ADARB2: variants seen among roughly 807,000 people sequenced by gnomAD.
The protein encoded by ADARB2 is inactive double-stranded RNA-specific editase B2.
In ADARB2, 25 loss-of-function variants were observed where a neutral mutation model predicts 62.2. The observed-to-expected ratio is 0.40, with a 90% confidence interval of 0.29 to 0.56. The LOEUF (loss-of-function observed/expected upper bound fraction) is 0.56, where lower values mean the gene tolerates loss of function less well. Among genes scored for constraint, ADARB2 ranks in the 20% least tolerant of loss-of-function variants. ADARB2 has a pLI of 0.43. For synonymous variants in ADARB2, 572 were observed against 500.8 expected, an observed-to-expected ratio of 1.14 and a Z score of -1.90; for missense variants, 1,071 against 1,077.4, an observed-to-expected ratio of 0.99 and a Z score of 0.08.
At chr10:1,509,418 G>A (rs1004471474) in intron 1 of ADARB2, among the ~76,000 whole-genome samples, 5 of 152,246 alleles carry the variant, frequency 3.3e-5, no homozygotes, top group South Asian at 4.2e-4. Context: ...AGAAGCCCTC[G>A]GGGGTTCGTC....
At chr10:1,679,814 G>A (rs1268538237) in intron 1 of ADARB2, among the ~76,000 whole-genome samples, 2 of 152,142 alleles carry the variant, frequency 1.3e-5, no homozygotes, top group African/African-American at 4.8e-5. Flanking sequence ...TGAGTGCAGG[G>A]GATGCCTGCT....
chr10:1,340,814 A>G (rs1310755079), intron 3 of ADARB2, among the ~76,000 whole-genome samples: 7 of 132,884 alleles, frequency 5.3e-5, no homozygotes, highest in Admixed American at 7.4e-5. Context: ...CCACAGCGGC[A>G]ATAACCAGCA....
chr10:1,476,570 G>A (rs183766355), intron 1 of ADARB2, among the ~76,000 whole-genome samples: 4 of 152,308 alleles, frequency 2.6e-5, no homozygotes, highest in East Asian at 1.9e-4. Flanking sequence ...CCATGGAAAC[G>A]CACACAGGAC....
At chr10:1,373,243 C>G (rs1832388361) in intron 2 of ADARB2, among the ~76,000 whole-genome samples, 1 of 152,118 alleles carries the variant, frequency 6.6e-6, no homozygotes, top group Non-Finnish European at 1.5e-5. Flanking sequence ...GTGTCTCTCT[C>G]TGTCTCTGTG....
chr10:1,585,324 A>G (rs1000754640), intron 1 of ADARB2, among the ~76,000 whole-genome samples: 20 of 152,144 alleles, frequency 1.3e-4, no homozygotes, highest in African/African-American at 4.8e-4. Flanking sequence ...GGAAAAGTCG[A>G]GTTGGGAACT....
intron 1 of ADARB2, among the ~76,000 whole-genome samples, chr10:1,597,063 A>G (rs942623692): frequency 7.9e-5 from 12 of 152,204 alleles, no homozygotes; most frequent in African/African-American, 2.9e-4. Flanking sequence ...CACAGTATTA[A>G]GGAATTATGA....
chr10:1,342,120 G>A (rs562164268), intron 3 of ADARB2, among the ~76,000 whole-genome samples: 1 of 152,364 alleles, frequency 6.6e-6, no homozygotes, highest in Admixed American at 6.5e-5. Flanking sequence ...ATCTTGGGGT[G>A]TCCCAACCTC....
intron 5 of ADARB2, among the ~76,000 whole-genome samples, chr10:1,240,687 G>A (rs1333509850): frequency 2.6e-5 from 4 of 152,162 alleles, no homozygotes; most frequent in Non-Finnish European, 4.4e-5. Context: ...CCCATGCAGG[G>A]CAGGCGTCGG....
chr10:1,284,888 C>A (rs1831399366), intron 3 of ADARB2, among the ~76,000 whole-genome samples: 1 of 152,064 alleles, frequency 6.6e-6, no homozygotes, highest in Non-Finnish European at 1.5e-5. Context: ...CATGGTCTGG[C>A]CCACCTTCAG....
intron 1 of ADARB2, among the ~76,000 whole-genome samples, chr10:1,590,818 A>G (rs1833242467): frequency 6.6e-6 from 1 of 152,026 alleles, no homozygotes; most frequent in South Asian, 2.1e-4. Context: ...CCTTCTGGAG[A>G]CCTGATGCTC....
At chr10:1,282,320 T>C (rs922380117) in intron 3 of ADARB2, among the ~76,000 whole-genome samples, 3 of 152,248 alleles carry the variant, frequency 2.0e-5, no homozygotes, top group Non-Finnish European at 4.4e-5. Context: ...TCTTGCTTTT[T>C]TGCACTGCGT....
At chr10:1,685,354 G>C (rs1834585148) in intron 1 of ADARB2, among the ~76,000 whole-genome samples, 1 of 152,124 alleles carries the variant, frequency 6.6e-6, no homozygotes, top group South Asian at 2.1e-4. Context: ...TCAGCACCGA[G>C]CAACACGAAT....
intron 1 of ADARB2, among the ~76,000 whole-genome samples, chr10:1,705,854 T>G (rs1405201777): frequency 6.6e-6 from 1 of 152,194 alleles, no homozygotes; most frequent in Non-Finnish European, 1.5e-5. Flanking sequence ...GGAGATCAAA[T>G]TTTGCTTTGA....
chr10:1,731,929 T>C (rs773620666), intron 1 of ADARB2, among the ~76,000 whole-genome samples: 51 of 152,226 alleles, frequency 3.4e-4, no homozygotes, highest in Non-Finnish European at 6.3e-4. Flanking sequence ...TTGCTTACAA[T>C]GTGGAAAATT....
chr10:1,362,119 C>T (rs11250460), intron 3 of ADARB2, among the ~76,000 whole-genome samples: 27,619 of 152,146 alleles, frequency 0.18, 3,324 homozygotes, highest in East Asian at 0.47. Flanking sequence ...AACATAAGGC[C>T]GGTGCACACT....
At chr10:1,462,064 C>G (rs1171746375) in intron 1 of ADARB2, among the ~76,000 whole-genome samples, 1 of 152,196 alleles carries the variant, frequency 6.6e-6, no homozygotes, top group Admixed American at 6.5e-5. Flanking sequence ...CCATCAGGTT[C>G]TATTTTCCCA....
At chr10:1,541,343 CGCAG>C (rs1438031626) in intron 1 of ADARB2, among the ~76,000 whole-genome samples, 1 of 44,250 alleles carries the variant, frequency 2.3e-5, no homozygotes. Context: ...CCCACTCAGA[CGCAG>C]TTCGGACCCT....
intron 3 of ADARB2, among the ~76,000 whole-genome samples, chr10:1,323,062 T>C (rs953468470): frequency 6.6e-6 from 1 of 152,154 alleles, no homozygotes; most frequent in African/African-American, 2.4e-5. Context: ...TTAAAAAGTA[T>C]ATCAGAATTT....
intron 1 of ADARB2, among the ~76,000 whole-genome samples, chr10:1,596,895 C>T (rs952030457): frequency 5.3e-5 from 8 of 152,244 alleles, no homozygotes; most frequent in East Asian, 1.9e-4. Flanking sequence ...TTCCATTTCC[C>T]GTCACTGGTG....
Sources: allele counts gnomAD v4.1 joint callset (sites outside exome capture counted in the v4.1 genomes callset), GRCh38; gene constraint gnomAD v4.1.1; transcripts MANE v1.5; gene names NCBI Gene and HGNC (gene_info 2026-07-23, HGNC 2026-07-21).